The following MOSPD1 variants were observed in gnomAD, a reference collection of about 807,000 sequenced individuals.
MOSPD1 encodes motile sperm domain containing 1, also known as motile sperm domain-containing protein 1.
MOSPD1 carries 5 observed loss-of-function variants against 16.7 expected under a neutral mutation model. That is an observed-to-expected ratio of 0.30 (90% CI 0.16 to 0.63). The LOEUF (loss-of-function observed/expected upper bound fraction) is 0.63. Ranked by LOEUF, MOSPD1 falls within the 30% of genes least tolerant of loss-of-function variation. The pLI is 0.82. For synonymous variants in MOSPD1, 67 were observed against 59.2 expected, an observed-to-expected ratio of 1.13 and a Z score of -0.61; for missense variants, 104 against 153.6, an observed-to-expected ratio of 0.68 and a Z score of 1.71.
At chrX:134,905,056 A>G (rs1302252032) in intron 1 of MOSPD1, among the ~76,000 whole-genome samples, 3 of 108,506 alleles carry the variant, frequency 2.8e-5, no homozygotes, top group African/African-American at 6.6e-5. Context: ...GCATGCTGCC[A>G]TTTGTATAAA....
At chrX:134,900,931 C>T (rs769985962) in intron 1 of MOSPD1, among the ~76,000 whole-genome samples, 6 of 111,274 alleles carry the variant, frequency 5.4e-5, no homozygotes, top group Non-Finnish European at 1.1e-4. Flanking sequence ...TGATTTTTAC[C>T]CTGTGGATCA....
chrX:134,888,491 G>C lies in MOSPD1; in HGVS notation c.*670C>G, dbSNP rs970194293. 4 of 111,071 alleles carry C rather than the reference G, an allele frequency of 3.6e-5. No individual in the cohort carries two copies. The highest frequency in any genetic ancestry group is 1.3e-4 in the African/African-American group (4 of 30,466). The allele number at this position is 111,071 out of a possible 1,213,427, so 9.2% of individuals were successfully genotyped here. On this transcript the variant is annotated 3_prime_UTR_variant, in exon 6 of 6. Coordinates refer to ENST00000370783, the MANE Select transcript of MOSPD1 (RefSeq NM_019556.3). ...TCCTTTAGAACTCTTAGACCAAAGA[G>C]AGAGGTCACCCTACTTCTATTAGGT... is the stretch of plus-strand genomic sequence containing the variant.
intron 4 of MOSPD1, among the ~76,000 whole-genome samples, chrX:134,895,180 C>A (rs2082879726): frequency 9.1e-6 from 1 of 110,421 alleles, no homozygotes; most frequent in Non-Finnish European, 1.9e-5. Context: ...TAGCGAGACC[C>A]TGGGTGTGGT....
chrX:134,897,081 G>A (rs1295179259), intron 3 of MOSPD1, 47 bp from the exon 4 acceptor site: 4 of 913,806 alleles, frequency 4.4e-6, no homozygotes, highest in Non-Finnish European at 6.2e-6. Context: ...TCTGGGGGCC[G>A]GCCAAACAGA....
At chrX:134,908,070 G>A (rs951724235) in intron 1 of MOSPD1, among the ~76,000 whole-genome samples, 4 of 112,813 alleles carry the variant, frequency 3.5e-5, no homozygotes, top group Non-Finnish European at 7.5e-5. Flanking sequence ...ACTGCACCCA[G>A]CCAGAATGGA....
At chrX:134,903,283 TA>T (rs1011381464) in intron 1 of MOSPD1, among the ~76,000 whole-genome samples, 1 of 111,239 alleles carries the variant, frequency 9.0e-6, no homozygotes, top group African/African-American at 3.3e-5. Flanking sequence ...AAGTTTTTTT[TA>T]AAAAGTAAAA....
chrX:134,913,360 C>A (rs911764496), intron 1 of MOSPD1, among the ~76,000 whole-genome samples: 2 of 111,379 alleles, frequency 1.8e-5, no homozygotes, highest in African/African-American at 6.5e-5. Context: ...GGTGACAGAG[C>A]AAGACCCTGT....
intron 1 of MOSPD1, among the ~76,000 whole-genome samples, chrX:134,912,206 G>A (rs761558986): frequency 1.1e-4 from 12 of 111,444 alleles, no homozygotes; most frequent in African/African-American, 3.3e-4. Context: ...TGCGCCCCAC[G>A]CCTGCCTAAT....
rs2082992222 is a variant in MOSPD1 at position 134,915,240 on chromosome X, G to C, written c.-160C>G. On this transcript the variant is annotated 5_prime_UTR_variant, in exon 1 of 6. Coordinates refer to ENST00000370783, the MANE Select transcript of MOSPD1 (RefSeq NM_019556.3). The stretch of plus-strand genomic sequence containing the variant: ...CGACTGCTCCTCCGCTCCTTTGTCA[G>C]CGTCTCTAGGCTGCACTGCCTGCTG... 9.0e-6 allele frequency: 1 copy of C among 111,611 alleles called. No individual in the cohort carries two copies. The highest frequency in any genetic ancestry group is 3.3e-5 in the African/African-American group (1 of 30,745). 9.2% of individuals were successfully genotyped at this position (111,611 alleles called of 1,213,427 possible). A position where few individuals can be genotyped will look rare whatever the true frequency, so the allele number is the denominator to read the frequency against.
At chrX:134,910,606 C>T in intron 1 of MOSPD1, among the ~76,000 whole-genome samples, 1 of 111,528 alleles carries the variant, frequency 9.0e-6, no homozygotes, top group Non-Finnish European at 1.9e-5. Flanking sequence ...ATATAAAGTG[C>T]TCTGGGAGCA....
chrX:134,905,908 C>A lies in MOSPD1; in HGVS notation c.-101-6374G>T, dbSNP rs753870275. Among the ~76,000 whole-genome samples, 12 of 112,030 alleles carry A rather than the reference C, an allele frequency of 1.1e-4. No homozygotes were observed. In the Admixed American group the frequency reaches 1.1e-3, roughly 11 times the overall value. On this transcript the variant is annotated intron_variant, in intron 1 of 5. Transcript: ENST00000370783. ...GGGAAGTCAAAATTAACCACACAGA[C>A]AAATGCTAAACTCTTGGTTCTAACT...
intron 3 of MOSPD1, 118 bp downstream of exon 3, chrX:134,898,972 C>A: frequency 1.6e-6 from 1 of 636,861 alleles, no homozygotes; most frequent in East Asian, 3.4e-5. Flanking sequence ...GGCAAAAATT[C>A]AAAATATAAT....
At chrX:134,899,253 C>T in intron 2 of MOSPD1, 27 bp downstream of exon 2, 6 of 1,178,639 alleles carry the variant, frequency 5.1e-6, no homozygotes, top group Admixed American at 2.6e-5. Context: ...CAGTTAAAAA[C>T]CCAGAAAATA....
chrX:134,896,681 A>C, intron 4 of MOSPD1, 136 bp downstream of exon 4: 3 of 487,499 alleles, frequency 6.2e-6, no homozygotes, highest in Non-Finnish European at 1.0e-5. Context: ...CTGATTCTCT[A>C]GGTGCAGTTT....
At chrX:134,912,339 T>C (rs2082976027) in intron 1 of MOSPD1, among the ~76,000 whole-genome samples, 1 of 109,965 alleles carries the variant, frequency 9.1e-6, no homozygotes, top group East Asian at 2.9e-4. Flanking sequence ...CCTGCCACCA[T>C]GCCCAGCTAA....
intron 4 of MOSPD1, among the ~76,000 whole-genome samples, chrX:134,891,907 C>T (rs1268986779): frequency 1.8e-5 from 2 of 111,886 alleles, no homozygotes; most frequent in Non-Finnish European, 3.8e-5. Context: ...ACTCCCCCGA[C>T]CATCCCACCC....
intron 1 of MOSPD1, among the ~76,000 whole-genome samples, chrX:134,908,849 A>T (rs1429670155): frequency 8.9e-6 from 1 of 112,237 alleles, no homozygotes; most frequent in Non-Finnish European, 1.9e-5. Flanking sequence ...ATGAAAAGAT[A>T]AGACTTTGAG....
chrX:134,907,908 A>G (rs1334423595), intron 1 of MOSPD1, among the ~76,000 whole-genome samples: 1 of 112,186 alleles, frequency 8.9e-6, no homozygotes, highest in Non-Finnish European at 1.9e-5. Flanking sequence ...AGCTGGGACC[A>G]CAGGTAAGTG....
At chrX:134,890,268 T>C (rs1364201112) in intron 5 of MOSPD1, among the ~76,000 whole-genome samples, 1 of 110,172 alleles carries the variant, frequency 9.1e-6, no homozygotes, top group Non-Finnish European at 1.9e-5. Flanking sequence ...TAAAATTGGC[T>C]CAGAGAGGTC....
Sources: allele counts gnomAD v4.1 joint callset (sites outside exome capture counted in the v4.1 genomes callset), GRCh38; gene constraint gnomAD v4.1.1; transcripts MANE v1.5; gene names NCBI Gene and HGNC (gene_info 2026-07-23, HGNC 2026-07-21).